The following CNTN5 variants were observed in gnomAD, a reference collection of about 807,000 sequenced individuals.
CNTN5 encodes contactin-5.
Under a neutral mutation model 129.1 loss-of-function variants are expected in CNTN5, and 77 were observed. The ratio of observed to expected loss-of-function variants is 0.60; its 90% CI spans 0.50 to 0.72. The LOEUF (loss-of-function observed/expected upper bound fraction) is 0.72. CNTN5 is among the 30% of genes least tolerant of loss of function. CNTN5 has a pLI of 0.00. For missense variants in CNTN5, 1,478 were observed against 1,328.8 expected, an observed-to-expected ratio of 1.11 and a Z score of -1.75; for synonymous variants, 509 against 465.6, an observed-to-expected ratio of 1.09 and a Z score of -1.20.
At chr11:100,276,646 A>G (rs753035446) in intron 18 of CNTN5, among the ~76,000 whole-genome samples, 38 of 151,830 alleles carry the variant, frequency 2.5e-4, no homozygotes, top group Non-Finnish European at 4.7e-4. Context: ...ATACAAATAT[A>G]TATTTTTATG....
chr11:99,977,814 A>C (rs1356467826), intron 8 of CNTN5, among the ~76,000 whole-genome samples: 1 of 152,216 alleles, frequency 6.6e-6, no homozygotes, highest in East Asian at 1.9e-4. Context: ...ACACATTGTC[A>C]AAGATCTCTT....
At chr11:99,756,268 G>GT (rs1944400299) in intron 3 of CNTN5, among the ~76,000 whole-genome samples, 1 of 152,056 alleles carries the variant, frequency 6.6e-6, no homozygotes, top group Non-Finnish European at 1.5e-5. Context: ...TGGAAGAAAA[G>GT]TTACGATCAA....
chr11:100,039,360 C>A lies in CNTN5; in HGVS notation c.981-21852C>A, dbSNP rs570909185. Among the ~76,000 whole-genome samples, 1,246 of 152,298 alleles carry A rather than the reference C, an allele frequency of 8.2e-3. 14 individuals carry two copies. Among genetic ancestry groups the A allele is most frequent in the African/African-American group, 0.025 (1,052 of 41,558 alleles). On this transcript the variant is annotated intron_variant, in intron 9 of 24. Transcript: ENST00000524871. Reference sequence around the variant, plus strand: ...TCAGCTGTTTGTCTGATGGGCTTCCCTTTGAGGGTAACCCGACCTTTCTCT... The same window carrying A: ...TCAGCTGTTTGTCTGATGGGCTTCCATTTGAGGGTAACCCGACCTTTCTCT...
At chr11:99,185,054 A>C (rs1360931807) in intron 1 of CNTN5, among the ~76,000 whole-genome samples, 1 of 152,004 alleles carries the variant, frequency 6.6e-6, no homozygotes, top group Admixed American at 6.6e-5. Flanking sequence ...AGAAAAAGAA[A>C]AAAATAATAT....
In CNTN5 at chr11:100,356,444, A is replaced by G. The variant is rs1010753002; in HGVS notation, c.*224A>G. 4 of 529,518 alleles carry G rather than the reference A, an allele frequency of 7.6e-6. No individual in the cohort carries two copies. The South Asian group carries it at 1.1e-4, about 15-fold the overall frequency. 32.8% of individuals were successfully genotyped at this position (529,518 alleles called of 1,614,324 possible). A position where few individuals can be genotyped will look rare whatever the true frequency, so the allele number is the denominator to read the frequency against. On this transcript the variant is annotated 3_prime_UTR_variant, in exon 25 of 25. Transcript: ENST00000524871. ...GGACAGTTCTTAGTCCAGTAAAAAT[A>G]TGCAGATTGTATGTAATGAATTTTT...
chr11:99,616,972 G>T (rs548964974), intron 3 of CNTN5, among the ~76,000 whole-genome samples: 3 of 152,122 alleles, frequency 2.0e-5, no homozygotes, highest in Admixed American at 6.6e-5. Context: ...TTAGCTGGGC[G>T]TGGTGGCACG....
At chr11:100,231,584 C>G (rs927212263) in intron 16 of CNTN5, among the ~76,000 whole-genome samples, 2 of 152,260 alleles carry the variant, frequency 1.3e-5, no homozygotes, top group African/African-American at 4.8e-5. Flanking sequence ...AATGAGGCCC[C>G]TTTATCCTCA....
rs1948659790 is a variant in CNTN5, at chr11:99,556,250, A to C, written c.36A>C (p.Ser12=). ...CTTGGAAACTAATGCTGTTTCTGTC[A>C]GTCACCATGTGTCTTTCAGGTAAAA... is the stretch of plus-strand genomic sequence containing the variant. ...ASSWKLMLFL[S]VTMCLSEYSK... Residue 12 remains serine, a synonymous_variant, in exon 3 of 25, where the codon TCA becomes TCC. Transcript: ENST00000524871. 6.5e-7 allele frequency: 1 copy of C among 1,530,136 alleles called. No individual in the cohort carries two copies. The highest frequency in any genetic ancestry group is 2.0e-5 in the Admixed American group (1 of 49,826). 94.8% of individuals were successfully genotyped at this position (1,530,136 alleles called of 1,614,324 possible).
intron 13 of CNTN5, among the ~76,000 whole-genome samples, chr11:100,152,712 TTTCA>T: frequency 6.6e-6 from 1 of 152,274 alleles, no homozygotes; most frequent in African/African-American, 2.4e-5. Flanking sequence ...CTGTATTATT[TTTCA>T]CTATTTTTAA....
intron 15 of CNTN5, among the ~76,000 whole-genome samples, chr11:100,223,738 G>A (rs576075603): frequency 7.2e-5 from 11 of 152,098 alleles, no homozygotes; most frequent in African/African-American, 1.7e-4. Context: ...TCCAGTCATC[G>A]TTAGATTACA....
intron 9 of CNTN5, among the ~76,000 whole-genome samples, chr11:100,048,024 G>A (rs1013036754): frequency 1.3e-5 from 2 of 152,100 alleles, no homozygotes; most frequent in Non-Finnish European, 2.9e-5. Flanking sequence ...CCAGCTACTG[G>A]GGGTGCTGAG....
At chr11:100,006,352 A>T (rs1240487822) in intron 9 of CNTN5, among the ~76,000 whole-genome samples, 1 of 152,114 alleles carries the variant, frequency 6.6e-6, no homozygotes, top group African/African-American at 2.4e-5. Flanking sequence ...GTAGCTTATG[A>T]TGCTGTTAGA....
At position 100,053,136 on chromosome 11, in the gene CNTN5, C is replaced by T. The variant is rs138610293; in HGVS notation, c.981-8076C>T. Among the ~76,000 whole-genome samples, 928 of 151,684 alleles carry T rather than the reference C, an allele frequency of 6.1e-3. 9 individuals carry two copies. The highest frequency in any genetic ancestry group is 0.021 in the African/African-American group (881 of 41,482). ...ACCTAAATGTAAATCTATGTATTTT[C>T]TATGTATTCTACAAATACATAGAAC... is the stretch of plus-strand genomic sequence containing the variant. On this transcript the variant is annotated intron_variant, in intron 9 of 24. Coordinates refer to ENST00000524871, the MANE Select transcript of CNTN5 (RefSeq NM_014361.4).
At chr11:100,045,260 C>T (rs1187353939) in intron 9 of CNTN5, among the ~76,000 whole-genome samples, 4 of 152,208 alleles carry the variant, frequency 2.6e-5, no homozygotes, top group East Asian at 1.9e-4. Context: ...GGATATACCA[C>T]AGAAAATTAA....
intron 6 of CNTN5, among the ~76,000 whole-genome samples, chr11:99,910,501 C>G (rs1235967208): frequency 6.6e-6 from 1 of 151,930 alleles, no homozygotes; most frequent in Non-Finnish European, 1.5e-5. Flanking sequence ...ATAAGATGTC[C>G]TTATTGAAGA....
intron 9 of CNTN5, among the ~76,000 whole-genome samples, chr11:100,056,237 T>C (rs1288512701): frequency 6.6e-6 from 1 of 151,776 alleles, no homozygotes; most frequent in African/African-American, 2.4e-5. Context: ...TATGAAGTTA[T>C]GTGCTGTTCT....
In CNTN5 at chr11:100,033,844, C is replaced by G. The variant is rs564892982; in HGVS notation, c.981-27368C>G. On this transcript the variant is annotated intron_variant, in intron 9 of 24. Transcript: ENST00000524871. ...CACCTCCTGCTCCCACAGGCAAGGT[C>G]AGATGCTACTTTCCAGAGATAATTG... 5.9e-5 allele frequency among the ~76,000 whole-genome samples: 9 copies of G among 152,286 alleles called. No individual in the cohort carries two copies. In the South Asian group the frequency reaches 8.3e-4, roughly 14 times the overall value.
chr11:99,962,022 C>G (rs958364568), intron 8 of CNTN5, among the ~76,000 whole-genome samples: 5 of 152,014 alleles, frequency 3.3e-5, no homozygotes, highest in Non-Finnish European at 5.9e-5. Flanking sequence ...ATATGCAATT[C>G]TAAGTTAATA....
intron 3 of CNTN5, among the ~76,000 whole-genome samples, chr11:99,731,236 T>C (rs1433837039): frequency 6.6e-6 from 1 of 151,702 alleles, no homozygotes; most frequent in Non-Finnish European, 1.5e-5. Context: ...GCCTCCCGAG[T>C]AGCTGGGACT....
Sources: allele counts gnomAD v4.1 joint callset (sites outside exome capture counted in the v4.1 genomes callset), GRCh38; gene constraint gnomAD v4.1.1; transcripts MANE v1.5; gene names NCBI Gene and HGNC (gene_info 2026-07-23, HGNC 2026-07-21).